NEB: variants seen among roughly 807,000 people sequenced by gnomAD.
NEB encodes nemaline myopathy type 2.
A neutral mutation model predicts 952.2 loss-of-function variants in NEB; 512 were observed. The observed-to-expected ratio is 0.54, with a 90% CI of 0.50 to 0.58. The LOEUF (loss-of-function observed/expected upper bound fraction) is 0.58. Among genes scored for constraint, NEB ranks in the 20% least tolerant of loss-of-function variants. The pLI is 0.00. For missense variants in NEB, 8,428 were observed against 9,231.1 expected (o/e 0.91, Z 3.56); for synonymous variants, 2,900 against 3,149.8 (o/e 0.92, Z 2.66).
At position 151,617,374 on chromosome 2, in the gene NEB, T is replaced by C. The variant is rs745579334; in HGVS notation, c.11171A>G (p.Asn3724Ser). The C allele has an allele frequency of 6.4e-7, 1 of 1,551,774 alleles. No homozygotes were observed. Among genetic ancestry groups the C allele is most frequent in the Non-Finnish European group, 8.8e-7 (1 of 1,142,386 alleles). The change falls in exon 75 of 182, where the codon AAC becomes AGC. Residue 3724 changes from asparagine to serine, a missense_variant. By Grantham distance (46) the Asn-to-Ser change is conservative. This residue lies in a region of NEB where 1,772 missense variants were observed against 1,960.3 expected (regional missense o/e 0.90). Transcript: ENST00000397345. ...CAACAGTTTACTTACATCACTGTAGTTTATTCGGTTGAGTTTGGCTAACAT... is the reference window on the plus strand; with the variant it reads ...CAACAGTTTACTTACATCACTGTAGCTTATTCGGTTGAGTTTGGCTAACAT... ...EIMLAKLNRI[N>S]YSDKLYKLAL...
chr2:151,687,328 T>C (rs964713841), intron 27 of NEB, 91 bp downstream of exon 27: 5 of 1,079,328 alleles, frequency 4.6e-6, no homozygotes, highest in Non-Finnish European at 5.6e-6. Context: ...AAAGAGCCCA[T>C]GCTCATGAAA....
At chr2:151,653,039 A>T (rs964177389) in intron 52 of NEB, among the ~76,000 whole-genome samples, 6 of 152,208 alleles carry the variant, frequency 3.9e-5, no homozygotes, top group African/African-American at 1.4e-4. Flanking sequence ...AGTGCCAGAA[A>T]TTAAGTGAAT....
intron 60 of NEB, among the ~76,000 whole-genome samples, chr2:151,641,276 T>C (rs2098843364): frequency 6.6e-6 from 1 of 152,252 alleles, no homozygotes; most frequent in African/African-American, 2.4e-5. Flanking sequence ...AGTTATTATA[T>C]AAGCATTTCT....
intron 38 of NEB, among the ~76,000 whole-genome samples, chr2:151,669,537 T>C (rs111321902): frequency 2.4e-3 from 371 of 152,226 alleles, no homozygotes; most frequent in Middle Eastern, 0.017. Context: ...ACATTTACAC[T>C]CAAACTTGGA....
rs765679622 is a variant in NEB at position 151,678,202 on chromosome 2, G to T, written c.3256-15C>A. ...TTGTACTGAACCTATTGTAAACAAA[G>T]GTGGGCATAATTTAAAATGTAGTTT... On this transcript the variant is annotated splice_polypyrimidine_tract_variant and intron_variant, in intron 32 of 181. Coordinates refer to ENST00000397345, the MANE Select transcript of NEB (RefSeq NM_001164508.2). The T allele has an allele frequency of 1.3e-6, 2 of 1,521,146 alleles. No homozygotes were observed. The highest frequency in any genetic ancestry group is 1.8e-4 in the Middle Eastern group (1 of 5,546). 94.2% of individuals were successfully genotyped at this position (1,521,146 alleles called of 1,614,324 possible).
At chr2:151,652,200 C>T (rs912998222) in intron 52 of NEB, among the ~76,000 whole-genome samples, 1 of 151,984 alleles carries the variant, frequency 6.6e-6, no homozygotes, top group African/African-American at 2.4e-5. Flanking sequence ...AAATGACCTG[C>T]CCTGAAGGAC....
intron 18 of NEB, 135 bp from the exon 19 acceptor site, chr2:151,694,764 A>G: frequency 1.4e-6 from 1 of 690,086 alleles, no homozygotes; most frequent in South Asian, 2.1e-5. Flanking sequence ...GAAATCATGC[A>G]TATTTTAAAT....
chr2:151,659,380 T>C (rs919359988), intron 46 of NEB, among the ~76,000 whole-genome samples: 1 of 152,100 alleles, frequency 6.6e-6, no homozygotes, highest in Non-Finnish European at 1.5e-5. Flanking sequence ...CACTGCAACC[T>C]CCACCTCCCA....
rs546035390 is a variant in NEB, at chr2:151,688,092, A to G, written c.2415+200T>C. ...TAGACGGGTAATTGGAGATCTTCTG[A>G]TAGTAACAGAGACCACAGAAAATGA... is the stretch of plus-strand genomic sequence containing the variant. On this transcript the variant is annotated intron_variant, in intron 25 of 181. Coordinates refer to ENST00000397345, the MANE Select transcript of NEB (RefSeq NM_001164508.2). Among the ~76,000 whole-genome samples, 120 of 152,240 alleles carry G rather than the reference A, an allele frequency of 7.9e-4. 1 individual carries two copies. The highest frequency in any genetic ancestry group is 1.4e-3 in the Non-Finnish European group (93 of 68,042).
At chr2:151,667,694 A>AT (rs1016935164) in intron 40 of NEB, 110 bp downstream of exon 40, 13,829 of 587,324 alleles carry the variant, frequency 0.024, no homozygotes, top group South Asian at 0.032. Flanking sequence ...CATCTGGCTA[A>AT]TTTTTTTTTT....
chr2:151,622,043 T>C (rs2098426564), intron 71 of NEB, among the ~76,000 whole-genome samples: 1 of 152,098 alleles, frequency 6.6e-6, no homozygotes, highest in South Asian at 2.1e-4. Flanking sequence ...ACAGTCTCAC[T>C]CTGTCGCCCA....
chr2:151,646,193 G>T lies in NEB; in HGVS notation c.7473C>A (p.Ile2491=), dbSNP rs760783298. ...TGTCAGGTGTATCAGGCATGATGTG[G>T]ATCTGAGTCTTGTCTTTGTCCCAAG... The part of the protein sequence containing the change: ...REAWDKDKTQ[I]HIMPDTPDIV... The change falls in exon 55 of 182, where the codon ATC becomes ATA. Residue 2491 remains isoleucine, a synonymous_variant. Transcript: ENST00000397345. 7 of 1,604,212 alleles carry T rather than the reference G, an allele frequency of 4.4e-6. No homozygotes were observed. The Admixed American group carries it at 1.0e-4, about 23-fold the overall frequency.
At chr2:151,501,519 AC>A in intron 167 of NEB, 36 bp from the exon 168 acceptor site, 1 of 1,249,254 alleles carries the variant, frequency 8.0e-7, no homozygotes, top group Non-Finnish European at 1.1e-6. Context: ...ATCAACCTGG[AC>A]CCATCATTTT....
intron 85 of NEB, 127 bp from the exon 86 acceptor site, chr2:151,603,899 CA>C: frequency 8.4e-7 from 1 of 1,189,478 alleles, no homozygotes. Flanking sequence ...ACTCAAGGAT[CA>C]ACATTAAATG....
chr2:151,728,892 A>G (rs1165446814), intron 4 of NEB, among the ~76,000 whole-genome samples: 1 of 152,134 alleles, frequency 6.6e-6, no homozygotes, highest in Admixed American at 6.5e-5. Flanking sequence ...ATGATTACCT[A>G]GGCATGGTTG....
chr2:151,708,215 C>CT (rs2099725086), intron 12 of NEB, among the ~76,000 whole-genome samples: 1 of 152,198 alleles, frequency 6.6e-6, no homozygotes, highest in Non-Finnish European at 1.5e-5. Flanking sequence ...TGTTTCGTAT[C>CT]TTAAAAAGTC....
At chr2:151,494,478 A>G (rs1394607892) in intron 173 of NEB, among the ~76,000 whole-genome samples, 1 of 152,090 alleles carries the variant, frequency 6.6e-6, no homozygotes, top group East Asian at 1.9e-4. Flanking sequence ...TGCAAGAGAG[A>G]CCTGTGGTGT....
Position 151,567,345 on chromosome 2 carries a change from A to G in NEB, c.17979T>C (p.Tyr5993=), listed in dbSNP as rs1221781863. The change falls in exon 114 of 182, where the codon TAT becomes TAC. Residue 5993 remains tyrosine, a synonymous_variant. Transcript: ENST00000397345. ...IQNERLYKED[Y]HKTKAKINIP... is the part of the protein sequence containing the mutation. Reference sequence around the variant, plus strand: ...TATTGATTTTGGCCTTTGTTTTGTGATAGTCCTCTTTGTATAGTCTCTCAT... The same window carrying G: ...TATTGATTTTGGCCTTTGTTTTGTGGTAGTCCTCTTTGTATAGTCTCTCAT... 1.2e-6 allele frequency: 2 copies of G among 1,613,882 alleles called. No homozygotes were observed. The highest frequency in any genetic ancestry group is 1.3e-5 in the African/African-American group (1 of 75,014).
intron 160 of NEB, among the ~76,000 whole-genome samples, chr2:151,513,339 TCA>T (rs1225577164): frequency 6.6e-6 from 1 of 152,174 alleles, no homozygotes; most frequent in Admixed American, 6.5e-5. Context: ...ACTTAATTCC[TCA>T]GTTTCTGCCC....
Sources: gnomAD v4.1 joint callset for allele counts (sites outside exome capture counted in the v4.1 genomes callset) on GRCh38, gnomAD v4.1.1 for gene constraint, gnomAD v4.1.1 regional missense constraint, MANE v1.5 for transcripts, NCBI Gene and HGNC (gene_info 2026-07-23, HGNC 2026-07-21) for gene names.